The following CFAP161 variants were observed in gnomAD, a reference collection of about 807,000 sequenced individuals.
The protein encoded by CFAP161 is cilia- and flagella-associated protein 161.
CFAP161 carries 25 observed loss-of-function variants against 29.0 expected under a neutral mutation model. The ratio of observed to expected loss-of-function variants is 0.86; its 90% confidence interval spans 0.63 to 1.20. The LOEUF is 1.20. CFAP161 is among the 50% of genes most tolerant of loss of function. CFAP161 has a pLI of 0.00. For synonymous variants in CFAP161, 116 were observed against 137.4 expected (o/e 0.84, Z 1.09); for missense variants, 367 against 371.9 (o/e 0.99, Z 0.11).
At chr15:81,119,209 T>A (rs1894538673) in intron 1 of CFAP161, among the ~76,000 whole-genome samples, 1 of 152,198 alleles carries the variant, frequency 6.6e-6, no homozygotes, top group Admixed American at 6.5e-5. Context: ...ACAATAATTA[T>A]AGATGACAAA....
chr15:81,103,028 G>A (rs1894320688), intron 1 of CFAP161, among the ~76,000 whole-genome samples: 1 of 151,924 alleles, frequency 6.6e-6, no homozygotes, highest in African/African-American at 2.4e-5. Flanking sequence ...TAGCCTCACT[G>A]AAGGGCAGCC....
At chr15:81,115,396 A>AG (rs1276034668) in intron 1 of CFAP161, among the ~76,000 whole-genome samples, 2 of 152,152 alleles carry the variant, frequency 1.3e-5, no homozygotes, top group African/African-American at 4.8e-5. Flanking sequence ...GGAGCAGTGG[A>AG]GGGGGGTAAT....
At chr15:81,134,126 G>A (rs1272201762), upstream of CFAP161, 3 of 569,116 alleles carry the variant, frequency 5.3e-6, no homozygotes, top group East Asian at 8.9e-5. Context: ...TCTAAGAGGT[G>A]GAAGTGGGGC....
At chr15:81,139,250 T>C (rs746525940) in intron 4 of CFAP161, among the ~76,000 whole-genome samples, 28 of 152,008 alleles carry the variant, frequency 1.8e-4, no homozygotes, top group Admixed American at 3.3e-4. Context: ...ACTGTAGAGT[T>C]TGCACCACTG....
intron 1 of CFAP161, chr15:81,117,908 C>A: frequency 2.4e-6 from 1 of 421,898 alleles, no homozygotes; most frequent in Non-Finnish European, 4.5e-6. Flanking sequence ...TCCACACCAT[C>A]CACCTGGGCA....
chr15:81,105,184 TTTTCCTCCCTCA>T (rs1894354714), intron 1 of CFAP161, among the ~76,000 whole-genome samples: 3 of 60,120 alleles, frequency 5.0e-5, no homozygotes, highest in Admixed American at 1.7e-4. Context: ...TCCCTTCCTT[TTTTCCTCCCTCA>T]CTCCCCCTCC....
intron 1 of CFAP161, chr15:81,099,464 G>GCAGAATCCCAGCTGCCCCTCC (rs1247759013): frequency 1.3e-5 from 2 of 152,376 alleles, no homozygotes; most frequent in East Asian, 3.9e-4. Context: ...TCGACCATGG[G>GCAGAATCCCAGCTGCCCCTCC]CAGAATCCCA....
rs185295557 is a variant in CFAP161, at chr15:81,137,335, C to T, written c.392+587C>T. Among the ~76,000 whole-genome samples the T allele has an allele frequency of 2.7e-3, 406 of 152,314 alleles. 2 individuals are homozygous for T. The highest frequency in any genetic ancestry group is 9.3e-3 in the African/African-American group (388 of 41,562). On this transcript the variant is annotated intron_variant, in intron 3 of 6. Coordinates refer to ENST00000286732, the MANE Select transcript of CFAP161 (RefSeq NM_173528.4). ...CCAGGCAAGGTACAGTGGCTCATGC[C>T]TGTAATCCCAATACTTTGGGAAGTC...
At chr15:81,121,446 A>G (rs1314170046) in intron 1 of CFAP161, among the ~76,000 whole-genome samples, 1 of 152,080 alleles carries the variant, frequency 6.6e-6, no homozygotes, top group African/African-American at 2.4e-5. Context: ...TGAATTAGAC[A>G]AAATTACTCT....
chr15:81,101,343 A>G (rs1001541696), intron 1 of CFAP161, among the ~76,000 whole-genome samples: 3 of 151,720 alleles, frequency 2.0e-5, no homozygotes, highest in East Asian at 1.9e-4. Context: ...CCTGGCCAAC[A>G]TGGTGAAACC....
chr15:81,123,418 T>A (rs952207561), intron 1 of CFAP161, among the ~76,000 whole-genome samples: 5 of 152,170 alleles, frequency 3.3e-5, no homozygotes, highest in African/African-American at 1.2e-4. Context: ...TGTACCAGTA[T>A]CATGCTGCTT....
chr15:81,102,066 T>C (rs1338616470), intron 1 of CFAP161, among the ~76,000 whole-genome samples: 1 of 152,180 alleles, frequency 6.6e-6, no homozygotes, highest in Non-Finnish European at 1.5e-5. Context: ...ATTTCATCAT[T>C]CCCTGGAATT....
chr15:81,148,546 G>T lies in CFAP161; in HGVS notation c.*13G>T. ...TGACACGCAGTAACACGCCAGGCACGTGCATGTTTTCCCTGGTCCCGCTCT... is the reference window on the plus strand; with the variant it reads ...TGACACGCAGTAACACGCCAGGCACTTGCATGTTTTCCCTGGTCCCGCTCT... On this transcript the variant is annotated 3_prime_UTR_variant, in exon 7 of 7. Coordinates refer to ENST00000286732, the MANE Select transcript of CFAP161 (RefSeq NM_173528.4). The T allele has an allele frequency of 6.2e-7, 1 of 1,603,168 alleles. No homozygotes were observed.
upstream of CFAP161, among the ~76,000 whole-genome samples, chr15:81,130,225 A>G (rs1269399296): frequency 6.6e-6 from 1 of 152,218 alleles, no homozygotes; most frequent in Non-Finnish European, 1.5e-5. Context: ...AACTTTTTTC[A>G]TATCAGAAAC....
intron 2 of CFAP161, 79 bp downstream of exon 2, chr15:81,135,438 A>G: frequency 1.1e-6 from 1 of 917,082 alleles, no homozygotes; most frequent in Non-Finnish European, 1.7e-6. Context: ...ATATGTATAC[A>G]TATGCTATGT....
At chr15:81,133,247 T>TG (rs1894748270), upstream of CFAP161, among the ~76,000 whole-genome samples, 1 of 136,950 alleles carries the variant, frequency 7.3e-6, no homozygotes, top group Non-Finnish European at 1.5e-5. Flanking sequence ...AAATTGGAGA[T>TG]GGGGTCTCAC....
At chr15:81,112,173 G>A (rs1397531737) in intron 1 of CFAP161, among the ~76,000 whole-genome samples, 1 of 151,674 alleles carries the variant, frequency 6.6e-6, no homozygotes, top group Non-Finnish European at 1.5e-5. Flanking sequence ...TGCGCAAGCC[G>A]AGTGAAAGGA....
chr15:81,123,273 A>T (rs1894598849), intron 1 of CFAP161, among the ~76,000 whole-genome samples: 1 of 152,318 alleles, frequency 6.6e-6, no homozygotes, highest in South Asian at 2.1e-4. Flanking sequence ...CTAGTTAGTT[A>T]TCCCAGCATT....
At chr15:81,119,716 G>A (rs188147213) in intron 1 of CFAP161, among the ~76,000 whole-genome samples, 1 of 152,008 alleles carries the variant, frequency 6.6e-6, no homozygotes, top group Non-Finnish European at 1.5e-5. Context: ...TTAGAATATT[G>A]ATTCTGGGGA....
Sources: allele counts gnomAD v4.1 joint callset (sites outside exome capture counted in the v4.1 genomes callset), GRCh38; gene constraint gnomAD v4.1.1; transcripts MANE v1.5; gene names NCBI Gene and HGNC (gene_info 2026-07-23, HGNC 2026-07-21).